Variants in EXOC6B observed in about 807,000 individuals in gnomAD.
EXOC6B encodes the protein exocyst complex component 6B, also known as SEC15 homolog B.
A neutral mutation model predicts 113.5 loss-of-function variants in EXOC6B; 54 were observed. The ratio of observed to expected loss-of-function variants is 0.48; its 90% CI spans 0.38 to 0.60. The LOEUF is 0.60. EXOC6B is among the 20% of genes least tolerant of loss of function. The pLI, the probability that EXOC6B is intolerant of heterozygous loss-of-function variation, is 0.00. For synonymous variants in EXOC6B, 357 were observed against 339.0 expected, an observed-to-expected ratio of 1.05 and a Z score of -0.58; for missense variants, 797 against 977.5, an observed-to-expected ratio of 0.82 and a Z score of 2.46.
Position 72,600,441 on chromosome 2 carries a change from C to CA in EXOC6B, c.670-24774dup, listed in dbSNP as rs57908608. Among the ~76,000 whole-genome samples the CA allele has an allele frequency of 3.1e-3, 269 of 87,398 alleles. 3 individuals carry two copies. Among genetic ancestry groups the CA allele is most frequent in the African/African-American group, 4.8e-3 (105 of 21,872 alleles). 57.3% of individuals were successfully genotyped at this position (87,398 alleles called of 152,430 possible). A position where few individuals can be genotyped will look rare whatever the true frequency, so the allele number is the denominator to read the frequency against. ...TGGGCAATGGAGTGAGACCTTATCT[C>CA]AAAAAAAAAAAAAAAAAAAAAAAAC... is the stretch of plus-strand genomic sequence containing the variant. On this transcript the variant is annotated intron_variant, in intron 6 of 21. Coordinates refer to ENST00000272427, the MANE Select transcript of EXOC6B (RefSeq NM_015189.3).
intron 18 of EXOC6B, among the ~76,000 whole-genome samples, chr2:72,432,044 CT>C (rs541079569): frequency 6.7e-6 from 1 of 149,874 alleles, no homozygotes; most frequent in African/African-American, 2.4e-5. Flanking sequence ...TTTCTTTTTT[CT>C]TTTTTTTTCT....
At chr2:72,212,634 T>C (rs1267809397) in intron 20 of EXOC6B, among the ~76,000 whole-genome samples, 2 of 152,228 alleles carry the variant, frequency 1.3e-5, no homozygotes, top group African/African-American at 4.8e-5. Context: ...TCCAGGTTTT[T>C]CCTCACAACT....
intron 6 of EXOC6B, among the ~76,000 whole-genome samples, chr2:72,653,574 A>T (rs1674361441): frequency 6.7e-6 from 1 of 149,434 alleles, no homozygotes; most frequent in Non-Finnish European, 1.5e-5. Flanking sequence ...AAATAAAATA[A>T]AAAAATAAAA....
chr2:72,767,346 G>C (rs901866158), intron 1 of EXOC6B, among the ~76,000 whole-genome samples: 1 of 151,916 alleles, frequency 6.6e-6, no homozygotes, highest in Admixed American at 6.6e-5. Context: ...CAGGAGAATC[G>C]CTTGAAACCG....
chr2:72,745,271 T>G (rs536714900), intron 1 of EXOC6B, among the ~76,000 whole-genome samples: 80 of 152,216 alleles, frequency 5.3e-4, no homozygotes, highest in African/African-American at 1.8e-3. Flanking sequence ...CTGGTCAACA[T>G]AGTGAGATCC....
intron 1 of EXOC6B, among the ~76,000 whole-genome samples, chr2:72,798,009 T>C (rs1260951803): frequency 6.6e-6 from 1 of 152,074 alleles, no homozygotes; most frequent in Non-Finnish European, 1.5e-5. Flanking sequence ...TTCAGAAAAA[T>C]TACTTAACAT....
chr2:72,457,732 C>T (rs1697331913), intron 18 of EXOC6B, among the ~76,000 whole-genome samples: 1 of 152,222 alleles, frequency 6.6e-6, no homozygotes, highest in East Asian at 1.9e-4. Context: ...CTTACTTCAT[C>T]TGTTAACTCA....
rs145199640 is a variant in EXOC6B at position 72,319,874 on chromosome 2, C to T, written c.2196+15073G>A. Among the ~76,000 whole-genome samples the T allele has an allele frequency of 2.0e-3, 303 of 151,610 alleles. 6 individuals are homozygous for T. The highest frequency in any genetic ancestry group is 4.6e-4 in the Non-Finnish European group (31 of 67,944). ...TTTTTGAGACGAAGTCTCGCTCTGT[C>T]GCCCAGGCTGAAGTGCAGTGGTGCG... On this transcript the variant is annotated intron_variant, in intron 20 of 21. Coordinates refer to ENST00000272427, the MANE Select transcript of EXOC6B (RefSeq NM_015189.3).
At chr2:72,691,228 C>A (rs1222919921) in intron 6 of EXOC6B, among the ~76,000 whole-genome samples, 1 of 152,032 alleles carries the variant, frequency 6.6e-6, no homozygotes, top group Middle Eastern at 3.2e-3. Context: ...GGATTGCTGG[C>A]AGCAACCATA....
intron 20 of EXOC6B, among the ~76,000 whole-genome samples, chr2:72,311,254 T>C (rs953549935): frequency 2.6e-5 from 4 of 152,210 alleles, no homozygotes; most frequent in African/African-American, 9.6e-5. Context: ...CAAGGTTACA[T>C]TCCTTTCTGG....
At position 72,825,661 on chromosome 2, in the gene EXOC6B, C is replaced by T. The variant is rs541428063; in HGVS notation, c.113+137G>A. 414 of 1,117,218 alleles carry T rather than the reference C, an allele frequency of 3.7e-4. 5 individuals are homozygous for T. In the East Asian group the frequency reaches 0.012, roughly 32 times the overall value. The allele number at this position is 1,117,218 out of a possible 1,614,324, so 69.2% of individuals were successfully genotyped here. A position where few individuals can be genotyped will look rare whatever the true frequency, so the allele number is the denominator to read the frequency against. On this transcript the variant is annotated intron_variant, in intron 1 of 21. Transcript: ENST00000272427. The surrounding 1 kb of genome is among the most constrained non-coding windows in gnomAD (Gnocchi z 4.4). ...GTCGGGGCTGCGAAGGGAGACCCGC[C>T]TCGCCCGGTATGCAGGGTCTCTCCG...
chr2:72,737,584 T>C (rs1015582149), intron 2 of EXOC6B, among the ~76,000 whole-genome samples: 1 of 152,174 alleles, frequency 6.6e-6, no homozygotes, highest in African/African-American at 2.4e-5. Flanking sequence ...CTGAGTGCAG[T>C]GGCTCAGACC....
chr2:72,211,343 G>A (rs1206826325), intron 20 of EXOC6B, among the ~76,000 whole-genome samples: 1 of 152,134 alleles, frequency 6.6e-6, no homozygotes, highest in African/African-American at 2.4e-5. Flanking sequence ...ATTCTCCAAT[G>A]AGAGACTGAG....
intron 18 of EXOC6B, among the ~76,000 whole-genome samples, chr2:72,414,028 G>A (rs1326809826): frequency 6.6e-6 from 1 of 152,134 alleles, no homozygotes; most frequent in Admixed American, 6.5e-5. Context: ...CCCATTTCTT[G>A]TTTTGTAACA....
At chr2:72,452,845 C>T (rs918682849) in intron 18 of EXOC6B, among the ~76,000 whole-genome samples, 97 of 152,116 alleles carry the variant, frequency 6.4e-4, no homozygotes, top group African/African-American at 2.2e-3. Flanking sequence ...AATAAACTGA[C>T]ATAAAAATAA....
At chr2:72,547,161 C>A (rs1362961638) in intron 8 of EXOC6B, among the ~76,000 whole-genome samples, 1 of 152,172 alleles carries the variant, frequency 6.6e-6, no homozygotes, top group Non-Finnish European at 1.5e-5. Context: ...TTGATAGAGC[C>A]TTTGTAATAA....
chr2:72,414,467 T>G (rs1694391715), intron 18 of EXOC6B, among the ~76,000 whole-genome samples: 1 of 152,196 alleles, frequency 6.6e-6, no homozygotes, highest in East Asian at 1.9e-4. Flanking sequence ...AAAATTAGTT[T>G]CAAGGTTGAG....
At chr2:72,629,990 C>A (rs1009510627) in intron 6 of EXOC6B, among the ~76,000 whole-genome samples, 1 of 152,162 alleles carries the variant, frequency 6.6e-6, no homozygotes, top group Non-Finnish European at 1.5e-5. Flanking sequence ...TATGCTTTCT[C>A]TATTATAATA....
intron 20 of EXOC6B, among the ~76,000 whole-genome samples, chr2:72,225,620 T>C (rs550629604): frequency 3.3e-5 from 5 of 152,162 alleles, no homozygotes; most frequent in Non-Finnish European, 7.4e-5. Flanking sequence ...GACAGGGCTC[T>C]TCAAGAGCTG....
Sources: gnomAD v4.1 joint callset for allele counts (sites outside exome capture counted in the v4.1 genomes callset) on GRCh38, gnomAD v4.1.1 for gene constraint, Gnocchi (gnomAD v3.1) non-coding constraint, MANE v1.5 for transcripts, NCBI Gene and HGNC (gene_info 2026-07-23, HGNC 2026-07-21) for gene names.